CSMD3: variants seen among roughly 807,000 people sequenced by gnomAD.
CSMD3 encodes CUB and Sushi multiple domains 3.
CSMD3 carries 177 observed loss-of-function variants against 435.2 expected under a neutral mutation model. That is an observed-to-expected ratio of 0.41 (90% confidence interval 0.36 to 0.46). The LOEUF (loss-of-function observed/expected upper bound fraction) is 0.46. Ranked by LOEUF, CSMD3 falls within the 20% of genes least tolerant of loss-of-function variation. CSMD3 has a pLI of 0.34. For missense variants in CSMD3, 4,265 were observed against 4,504.6 expected (o/e 0.95, Z 1.52); for synonymous variants, 1,656 against 1,520.5 (o/e 1.09, Z -2.07).
At chr8:113,169,381 CTA>C (rs1479840562) in intron 4 of CSMD3, among the ~76,000 whole-genome samples, 4 of 152,136 alleles carry the variant, frequency 2.6e-5, no homozygotes, top group African/African-American at 9.6e-5. Flanking sequence ...TCTCCAAAAA[CTA>C]TCTCACCTGT....
At chr8:112,329,606 C>A (rs1823846558) in intron 45 of CSMD3, among the ~76,000 whole-genome samples, 1 of 152,106 alleles carries the variant, frequency 6.6e-6, no homozygotes, top group African/African-American at 2.4e-5. Flanking sequence ...AGTCCCTCAT[C>A]ATATGTTGTC....
At chr8:113,195,841 C>CCA (rs969088668) in intron 3 of CSMD3, among the ~76,000 whole-genome samples, 2 of 122,820 alleles carry the variant, frequency 1.6e-5, no homozygotes, top group Non-Finnish European at 3.5e-5. Context: ...ACACACACAC[C>CCA]CCCACACACA....
chr8:112,480,784 T>G (rs1242227869), intron 31 of CSMD3, among the ~76,000 whole-genome samples: 1 of 152,170 alleles, frequency 6.6e-6, no homozygotes, highest in Non-Finnish European at 1.5e-5. Flanking sequence ...CTTTTCTTCC[T>G]AAATTACCCA....
intron 32 of CSMD3, among the ~76,000 whole-genome samples, chr8:112,409,853 T>C (rs1449080640): frequency 1.3e-5 from 2 of 151,972 alleles, no homozygotes; most frequent in African/African-American, 2.4e-5. Context: ...TGTTTTTTTT[T>C]CTTAAATAAA....
chr8:112,328,027 A>T (rs1052577348), intron 45 of CSMD3, among the ~76,000 whole-genome samples: 1 of 152,178 alleles, frequency 6.6e-6, no homozygotes, highest in African/African-American at 2.4e-5. Context: ...TCTCCAAACC[A>T]AAAAAAGCAC....
At chr8:112,936,457 T>A (rs2083283146) in intron 9 of CSMD3, among the ~76,000 whole-genome samples, 1 of 152,124 alleles carries the variant, frequency 6.6e-6, no homozygotes, top group Admixed American at 6.6e-5. Flanking sequence ...TATGGAAACT[T>A]AAGAATATTA....
intron 63 of CSMD3, among the ~76,000 whole-genome samples, chr8:112,249,274 T>A (rs143122315): frequency 4.1e-4 from 63 of 152,194 alleles, no homozygotes; most frequent in Non-Finnish European, 6.8e-4. Context: ...CCAGTTTACA[T>A]CCAGTTTTAC....
In CSMD3 at chr8:113,020,257, T is replaced by C. The variant is rs1005137737; in HGVS notation, c.918-1078A>G. ...GGAGAGGCAGAAAACAGATTGTATA[T>C]ATCCAAACAAATATAGTTGGATATG... On this transcript the variant is annotated intron_variant, in intron 5 of 70. Coordinates refer to ENST00000297405, the MANE Select transcript of CSMD3 (RefSeq NM_198123.2). Among the ~76,000 whole-genome samples, 14 of 151,722 alleles carry C rather than the reference T, an allele frequency of 9.2e-5. No individual in the cohort carries two copies. In the East Asian group the frequency reaches 1.7e-3, roughly 19 times the overall value.
intron 3 of CSMD3, among the ~76,000 whole-genome samples, chr8:113,182,045 A>G (rs1170157982): frequency 1.3e-5 from 2 of 152,076 alleles, no homozygotes; most frequent in Non-Finnish European, 2.9e-5. Context: ...CCATCACCAA[A>G]TAATTATTGA....
chr8:113,255,309 G>A (rs188135999), intron 3 of CSMD3, among the ~76,000 whole-genome samples: 55 of 152,042 alleles, frequency 3.6e-4, no homozygotes, highest in Admixed American at 1.7e-3. Context: ...TTGGATCTCC[G>A]ATTCTTTCCT....
intron 4 of CSMD3, among the ~76,000 whole-genome samples, chr8:113,150,273 T>C (rs2091776285): frequency 1.3e-5 from 2 of 151,960 alleles, no homozygotes; most frequent in Non-Finnish European, 2.9e-5. Flanking sequence ...CCTAGTCAAC[T>C]GACTTTAAAT....
intron 28 of CSMD3, 120 bp from the exon 29 acceptor site, chr8:112,506,949 A>T (rs1822596655): frequency 1.2e-6 from 1 of 804,692 alleles, no homozygotes; most frequent in Non-Finnish European, 2.1e-6. Flanking sequence ...CCTGAATTTT[A>T]TAGTACTTGA....
chr8:112,850,570 A>G (rs928163250), intron 11 of CSMD3, among the ~76,000 whole-genome samples: 1 of 152,206 alleles, frequency 6.6e-6, no homozygotes, highest in African/African-American at 2.4e-5. Flanking sequence ...TTGAAACATC[A>G]TTTGTTTGTC....
chr8:112,552,519 G>T (rs1827774471), intron 26 of CSMD3, 75 bp downstream of exon 26: 2 of 1,371,554 alleles, frequency 1.5e-6, no homozygotes, highest in Non-Finnish European at 2.0e-6. Context: ...GAAATAAATG[G>T]ATATTAATTT....
intron 3 of CSMD3, among the ~76,000 whole-genome samples, chr8:113,265,710 G>A (rs1167894282): frequency 6.6e-6 from 1 of 151,464 alleles, no homozygotes; most frequent in Non-Finnish European, 1.5e-5. Flanking sequence ...ACTGATTTGT[G>A]TTATTCTCTA....
At chr8:112,916,625 A>G (rs1444370671) in intron 10 of CSMD3, among the ~76,000 whole-genome samples, 1 of 151,934 alleles carries the variant, frequency 6.6e-6, no homozygotes, top group Non-Finnish European at 1.5e-5. Context: ...GGCATCAACA[A>G]CTACAGAAAA....
At chr8:113,175,326 G>GA (rs2092331757) in intron 3 of CSMD3, among the ~76,000 whole-genome samples, 1 of 151,654 alleles carries the variant, frequency 6.6e-6, no homozygotes, top group South Asian at 2.1e-4. Context: ...ATATTTTAGA[G>GA]AAAAAATATT....
intron 46 of CSMD3, among the ~76,000 whole-genome samples, chr8:112,319,361 A>C (rs1822773208): frequency 6.6e-6 from 1 of 152,182 alleles, no homozygotes; most frequent in African/African-American, 2.4e-5. Context: ...AATGAATAAT[A>C]AAAGTTTATT....
chr8:112,995,897 T>C (rs763162064), intron 6 of CSMD3, among the ~76,000 whole-genome samples: 2 of 151,536 alleles, frequency 1.3e-5, no homozygotes, highest in African/African-American at 4.8e-5. Context: ...TGAAGGATTG[T>C]GCGGTTTAAG....
Sources: gnomAD v4.1 joint callset for allele counts (sites outside exome capture counted in the v4.1 genomes callset) on GRCh38, gnomAD v4.1.1 for gene constraint, MANE v1.5 for transcripts, NCBI Gene and HGNC (gene_info 2026-07-23, HGNC 2026-07-21) for gene names.